DCBLD2: variants seen among roughly 807,000 people sequenced by gnomAD.
DCBLD2 encodes discoidin, CUB and LCCL domain-containing protein 2.
Under a neutral mutation model 86.8 loss-of-function variants are expected in DCBLD2, and 54 were observed. That is an observed-to-expected ratio of 0.62 (90% CI 0.50 to 0.78). The LOEUF is 0.78. DCBLD2 is among the 30% of genes least tolerant of loss of function. DCBLD2 has a pLI of 0.00. For missense variants in DCBLD2, 908 were observed against 954.2 expected (o/e 0.95, Z 0.64); for synonymous variants, 354 against 341.3 (o/e 1.04, Z -0.41).
At chr3:98,827,211 G>A (rs1434439569) in intron 3 of DCBLD2, among the ~76,000 whole-genome samples, 1 of 152,160 alleles carries the variant, frequency 6.6e-6, no homozygotes, top group East Asian at 1.9e-4. Flanking sequence ...TGACCAACCA[G>A]AAGAGCAGGC....
At chr3:98,887,391 A>T (rs1943582595) in intron 1 of DCBLD2, among the ~76,000 whole-genome samples, 1 of 152,060 alleles carries the variant, frequency 6.6e-6, no homozygotes, top group African/African-American at 2.4e-5. Flanking sequence ...ATTATTTGGT[A>T]CTGTGAATTT....
intron 3 of DCBLD2, among the ~76,000 whole-genome samples, chr3:98,826,449 T>TCC (rs759402275): frequency 2.0e-5 from 3 of 152,242 alleles, no homozygotes; most frequent in Admixed American, 1.3e-4. Context: ...ACAGAAGCTG[T>TCC]CCCTCAGCTT....
At chr3:98,877,494 A>T (rs1464288789) in intron 2 of DCBLD2, among the ~76,000 whole-genome samples, 1 of 152,224 alleles carries the variant, frequency 6.6e-6, no homozygotes, top group Non-Finnish European at 1.5e-5. Context: ...GAAAAATAGG[A>T]AAAGGATAGA....
intron 1 of DCBLD2, among the ~76,000 whole-genome samples, chr3:98,897,113 A>G (rs1410868307): frequency 6.6e-6 from 1 of 152,188 alleles, no homozygotes; most frequent in Non-Finnish European, 1.5e-5. Context: ...TACTTATGCC[A>G]ATTCCACCAT....
In DCBLD2 at chr3:98,822,312, G is replaced by T; in HGVS notation, c.746C>A (p.Thr249Lys). 1 of 1,613,938 alleles carries T rather than the reference G, an allele frequency of 6.2e-7. No homozygotes were observed. The highest frequency in any genetic ancestry group is 8.5e-7 in the Non-Finnish European group (1 of 1,179,866). ...TACAACACTGATTTGGCCGCCCAAC[G>T]TGTTTGACACTACTCCTGCATGCAC... Reference protein sequence around the residue: ...AGVHAGVVSNTLGGQISVVIS... With the variant: ...AGVHAGVVSNKLGGQISVVIS... The change falls in exon 6 of 16, where the codon ACG (threonine) becomes AAG (lysine). Residue 249 changes from threonine to lysine, a missense_variant. Thr to Lys is a moderately conservative substitution (Grantham distance 78, BLOSUM62 -1). Transcript: ENST00000326840.
intron 2 of DCBLD2, among the ~76,000 whole-genome samples, chr3:98,871,645 T>C (rs1249393193): frequency 1.3e-5 from 2 of 152,200 alleles, no homozygotes; most frequent in Non-Finnish European, 2.9e-5. Flanking sequence ...TGCTGAATTA[T>C]CTTGTTGATA....
At chr3:98,833,536 TGTTA>T (rs1227400402) in intron 3 of DCBLD2, among the ~76,000 whole-genome samples, 1 of 152,192 alleles carries the variant, frequency 6.6e-6, no homozygotes, top group African/African-American at 2.4e-5. Flanking sequence ...GAAGTTCTTG[TGTTA>T]GTTCTTTCTC....
Position 98,856,521 on chromosome 3 carries a change from A to G in DCBLD2, c.434-6923T>C, listed in dbSNP as rs554518372. Reference sequence around the variant, plus strand: ...AAATACACAGTATAAAAAGAAAACAAAAAATGGGAATCCCTAAAATTTAGT... The same window carrying G: ...AAATACACAGTATAAAAAGAAAACAGAAAATGGGAATCCCTAAAATTTAGT... On this transcript the variant is annotated intron_variant, in intron 2 of 15. Coordinates refer to ENST00000326840, the MANE Select transcript of DCBLD2 (RefSeq NM_080927.4). Among the ~76,000 whole-genome samples, 16 of 152,270 alleles carry G rather than the reference A, an allele frequency of 1.1e-4. 1 individual carries two copies. The highest frequency in any genetic ancestry group is 3.8e-4 in the African/African-American group (16 of 41,582).
In DCBLD2 at chr3:98,807,026, C is replaced by G. The variant is rs1375243670; in HGVS notation, c.1670+1055G>C. On this transcript the variant is annotated intron_variant, in intron 13 of 15. Coordinates refer to ENST00000326840, the MANE Select transcript of DCBLD2 (RefSeq NM_080927.4). Reference sequence around the variant, plus strand: ...CTTCAAAACTGCCACCATCTTTGTACAATCATCTGACAATATCACCTCTTT... The same window carrying G: ...CTTCAAAACTGCCACCATCTTTGTAGAATCATCTGACAATATCACCTCTTT... 3.9e-5 allele frequency among the ~76,000 whole-genome samples: 6 copies of G among 152,278 alleles called. No homozygotes were observed. In the East Asian group the frequency reaches 1.2e-3, roughly 29 times the overall value.
At chr3:98,862,274 A>G (rs1943058108) in intron 2 of DCBLD2, among the ~76,000 whole-genome samples, 1 of 152,168 alleles carries the variant, frequency 6.6e-6, no homozygotes, top group Admixed American at 6.5e-5. Flanking sequence ...ATTCACAGCC[A>G]AATTCTACCA....
At position 98,799,363 on chromosome 3, in the gene DCBLD2, G is replaced by T. The variant is rs780175803; in HGVS notation, c.*9C>A. 2 of 1,590,208 alleles carry T rather than the reference G, an allele frequency of 1.3e-6. No homozygotes were observed. Among genetic ancestry groups the T allele is most frequent in the Non-Finnish European group, 1.7e-6 (2 of 1,167,808 alleles). ...TTAAAACGATGCTTTGTAAAAAGCA[G>T]CATCATCTTCAAAGGATTTCTTTAA... is the stretch of plus-strand genomic sequence containing the variant. On this transcript the variant is annotated 3_prime_UTR_variant, in exon 16 of 16. Transcript: ENST00000326840.
intron 2 of DCBLD2, among the ~76,000 whole-genome samples, chr3:98,862,755 G>T (rs1943067796): frequency 1.3e-5 from 2 of 152,156 alleles, no homozygotes; most frequent in Admixed American, 1.3e-4. Flanking sequence ...CAAACCCACA[G>T]CCAATATCAC....
intron 3 of DCBLD2, among the ~76,000 whole-genome samples, chr3:98,839,945 T>C (rs1942590995): frequency 6.6e-6 from 1 of 152,066 alleles, no homozygotes; most frequent in Non-Finnish European, 1.5e-5. Context: ...TGTTAGGTAT[T>C]TGAATCTGAG....
chr3:98,861,467 T>A (rs1444528719), intron 2 of DCBLD2, among the ~76,000 whole-genome samples: 7 of 152,252 alleles, frequency 4.6e-5, no homozygotes, highest in African/African-American at 1.7e-4. Flanking sequence ...ATTGACCACA[T>A]AGTTGGAAGT....
intron 14 of DCBLD2, chr3:98,801,186 G>A (rs1941711884): frequency 4.2e-6 from 1 of 237,930 alleles, no homozygotes; most frequent in South Asian, 1.4e-4. Context: ...CATCATGGGA[G>A]ACCTCCCGAT....
In DCBLD2 at chr3:98,901,327, C is replaced by G; in HGVS notation, c.-1G>C. The G allele has an allele frequency of 7.1e-7, 1 of 1,402,138 alleles. No individual in the cohort carries two copies. The highest frequency in any genetic ancestry group is 9.2e-7 in the Non-Finnish European group (1 of 1,090,402). The allele number at this position is 1,402,138 out of a possible 1,614,324, so 86.9% of individuals were successfully genotyped here. A position where few individuals can be genotyped will look rare whatever the true frequency, so the allele number is the denominator to read the frequency against. On this transcript the variant is annotated 5_prime_UTR_variant, in exon 1 of 16. Coordinates refer to ENST00000326840, the MANE Select transcript of DCBLD2 (RefSeq NM_080927.4). ...CTCTCACCACCGCCCGGCTCGCCAT[C>G]GCGGCGGCCGGCAGTCTGCCTGCAT...
intron 3 of DCBLD2, among the ~76,000 whole-genome samples, chr3:98,845,816 T>G (rs993121397): frequency 5.9e-5 from 9 of 152,224 alleles, no homozygotes; most frequent in African/African-American, 2.2e-4. Flanking sequence ...TTTTTGCACC[T>G]GCTGTTCCCT....
intron 3 of DCBLD2, among the ~76,000 whole-genome samples, chr3:98,831,759 A>AT (rs113622073): frequency 7.6e-4 from 115 of 151,866 alleles, no homozygotes; most frequent in African/African-American, 2.5e-3. Context: ...GTTTTGAGCC[A>AT]TTTTTTTTAG....
chr3:98,809,999 T>C (rs1434427022), intron 12 of DCBLD2, among the ~76,000 whole-genome samples: 1 of 152,150 alleles, frequency 6.6e-6, no homozygotes, highest in Non-Finnish European at 1.5e-5. Context: ...AAAAAATAAA[T>C]TTATATACTA....
Sources: allele counts gnomAD v4.1 joint callset (sites outside exome capture counted in the v4.1 genomes callset), GRCh38; gene constraint gnomAD v4.1.1; transcripts MANE v1.5; gene names NCBI Gene and HGNC (gene_info 2026-07-23, HGNC 2026-07-21).